DPP10: variants seen among roughly 807,000 people sequenced by gnomAD.
DPP10 encodes inactive dipeptidyl peptidase 10.
DPP10 carries 33 observed loss-of-function variants against 120.9 expected under a neutral mutation model. The observed-to-expected ratio is 0.27, with a 90% CI of 0.21 to 0.37. DPP10 has a LOEUF of 0.37. Ranked by LOEUF, DPP10 falls within the 10% of genes least tolerant of loss-of-function variation. The probability of loss-of-function intolerance (pLI) is 1.00; values close to 1 mark genes in which losing one functional copy is unlikely to be tolerated. For missense variants in DPP10, 816 were observed against 942.8 expected, an observed-to-expected ratio of 0.87 and a Z score of 1.76; for synonymous variants, 337 against 326.1, an observed-to-expected ratio of 1.03 and a Z score of -0.36.
chr2:115,243,221 A>G (rs140556726), intron 1 of DPP10, among the ~76,000 whole-genome samples: 1 of 152,248 alleles, frequency 6.6e-6, no homozygotes, highest in Non-Finnish European at 1.5e-5. Flanking sequence ...GTTGACAACT[A>G]TTTTTGTTTT....
Position 115,187,019 on chromosome 2 carries a change from CTTTTTTTTTTTTTTTTTTTTTT to C in DPP10, c.61-122205_61-122184del, listed in dbSNP as rs147014349. 3.3e-4 allele frequency among the ~76,000 whole-genome samples: 21 copies of C among 63,180 alleles called. No individual in the cohort carries two copies. The South Asian group carries it at 9.5e-3, about 28-fold the overall frequency. 41.4% of individuals were successfully genotyped at this position (63,180 alleles called of 152,430 possible). ...GAATTCAGAAGGTGGTGCAAAGATT[CTTTTTTTTTTTTTTTTTTTTTT>C]TTTTTTTTTTTTTTGAGACGGAGTT... On this transcript the variant is annotated intron_variant, in intron 1 of 25. Coordinates refer to ENST00000410059, the MANE Select transcript of DPP10 (RefSeq NM_020868.6).
intron 1 of DPP10, chr2:114,462,208 G>A (rs1263325255): frequency 6.2e-6 from 6 of 968,100 alleles, no homozygotes; most frequent in Admixed American, 1.2e-4. Context: ...GACAAGTTGC[G>A]AAGATTTTAC....
chr2:115,363,093 C>T (rs1420298166), intron 3 of DPP10, among the ~76,000 whole-genome samples: 3 of 152,194 alleles, frequency 2.0e-5, no homozygotes, highest in South Asian at 4.1e-4. Context: ...AAGCTTAAAC[C>T]TATCTGGTCT....
chr2:114,620,223 T>A (rs1464813173), intron 1 of DPP10, among the ~76,000 whole-genome samples: 2 of 151,942 alleles, frequency 1.3e-5, no homozygotes, highest in Non-Finnish European at 2.9e-5. Context: ...CAGGCATATA[T>A]GTTACAAAAA....
At chr2:114,720,215 G>A (rs890814744) in intron 1 of DPP10, among the ~76,000 whole-genome samples, 2 of 152,204 alleles carry the variant, frequency 1.3e-5, no homozygotes, top group African/African-American at 4.8e-5. Context: ...AATTTTGAAT[G>A]AGGCCCAGTT....
chr2:114,589,350 A>G (rs1573732721), intron 1 of DPP10, among the ~76,000 whole-genome samples: 1 of 152,222 alleles, frequency 6.6e-6, no homozygotes, highest in Non-Finnish European at 1.5e-5. Context: ...TGCTGAAAAT[A>G]TCACGTGGTT....
chr2:115,259,288 C>G (rs1054361857), intron 1 of DPP10, among the ~76,000 whole-genome samples: 5 of 152,134 alleles, frequency 3.3e-5, no homozygotes, highest in African/African-American at 1.2e-4. Context: ...TCGAGACCAC[C>G]CTGACCAACA....
chr2:115,840,311 G>GTGTT (rs1575965088), intron 24 of DPP10, among the ~76,000 whole-genome samples: 5 of 33,240 alleles, frequency 1.5e-4, no homozygotes, highest in African/African-American at 4.5e-4. Context: ...CAGATATAAG[G>GTGTT]TTTTTTGGTT....
chr2:115,001,487 G>T (rs1013129334), intron 1 of DPP10, among the ~76,000 whole-genome samples: 11 of 152,032 alleles, frequency 7.2e-5, no homozygotes, highest in African/African-American at 2.7e-4. Flanking sequence ...AGAACCACGA[G>T]ACAACAAAAA....
chr2:115,483,193 A>G (rs1485931579), intron 3 of DPP10, among the ~76,000 whole-genome samples: 1 of 152,094 alleles, frequency 6.6e-6, no homozygotes, highest in East Asian at 1.9e-4. Flanking sequence ...ACTTTATTGG[A>G]TACATACTCT....
intron 1 of DPP10, among the ~76,000 whole-genome samples, chr2:114,604,890 T>C (rs1450338100): frequency 6.6e-6 from 1 of 152,078 alleles, no homozygotes; most frequent in East Asian, 1.9e-4. Flanking sequence ...AGGACTATGA[T>C]TGGGTAGTTG....
intron 3 of DPP10, among the ~76,000 whole-genome samples, chr2:115,393,469 G>GC (rs2067461853): frequency 6.6e-6 from 1 of 152,204 alleles, no homozygotes; most frequent in Admixed American, 6.5e-5. Context: ...TTCCACTTCT[G>GC]CAGAACCATG....
chr2:115,823,954 C>A (rs13034965), intron 21 of DPP10, among the ~76,000 whole-genome samples: 40,375 of 152,044 alleles, frequency 0.27, 5,708 homozygotes, highest in Middle Eastern at 0.44. Context: ...TAGTCAACTT[C>A]TTTTCTTTAC....
chr2:114,694,221 A>G (rs1699934471), intron 1 of DPP10, among the ~76,000 whole-genome samples: 1 of 151,948 alleles, frequency 6.6e-6, no homozygotes, highest in Non-Finnish European at 1.5e-5. Context: ...GAAGATTAAG[A>G]GAATTAATTA....
intron 1 of DPP10, among the ~76,000 whole-genome samples, chr2:114,620,540 T>A (rs1258891181): frequency 1.3e-5 from 2 of 152,088 alleles, no homozygotes; most frequent in Non-Finnish European, 2.9e-5. Context: ...TATAGAGTAT[T>A]ATAAAAACCC....
chr2:115,722,495 A>G (rs1406018194), intron 7 of DPP10, among the ~76,000 whole-genome samples: 4 of 151,984 alleles, frequency 2.6e-5, no homozygotes, highest in South Asian at 2.1e-4. Flanking sequence ...ATCATAGGGT[A>G]TATCTATACA....
intron 5 of DPP10, among the ~76,000 whole-genome samples, chr2:115,567,281 C>A (rs917444866): frequency 6.6e-6 from 1 of 152,052 alleles, no homozygotes; most frequent in African/African-American, 2.4e-5. Flanking sequence ...ATTGTCACCG[C>A]TTCTCACCTT....
chr2:115,481,218 A>G (rs911362638), intron 3 of DPP10, among the ~76,000 whole-genome samples: 2 of 152,140 alleles, frequency 1.3e-5, no homozygotes, highest in African/African-American at 4.8e-5. Context: ...TGCCCCTTTC[A>G]ACATACTACT....
intron 3 of DPP10, among the ~76,000 whole-genome samples, chr2:115,379,800 T>C (rs1178210712): frequency 2.0e-5 from 3 of 152,210 alleles, no homozygotes; most frequent in African/African-American, 7.2e-5. Context: ...CTGCCTTCAT[T>C]TCATTATGTA....
Sources: allele counts gnomAD v4.1 joint callset (sites outside exome capture counted in the v4.1 genomes callset), GRCh38; gene constraint gnomAD v4.1.1; transcripts MANE v1.5; gene names NCBI Gene and HGNC (gene_info 2026-07-23, HGNC 2026-07-21).